SYNE1: variants seen among roughly 807,000 people sequenced by gnomAD.
SYNE1 encodes the protein nesprin-1.
In SYNE1, 616 loss-of-function variants were observed where a neutral mutation model predicts 1,111.0. That is an observed-to-expected ratio of 0.55 (90% CI 0.52 to 0.59). SYNE1 has a LOEUF of 0.59. Among genes scored for constraint, SYNE1 ranks in the 20% least tolerant of loss-of-function variants. SYNE1 has a pLI of 0.00. For missense variants in SYNE1, 10,006 were observed against 10,417.0 expected (o/e 0.96, Z 1.72); for synonymous variants, 3,855 against 3,825.8 (o/e 1.01, Z -0.28).
At position 152,455,488 on chromosome 6, in the gene SYNE1, G is replaced by A. The variant is rs758573837; in HGVS notation, c.2830C>T (p.Arg944Trp). The part of the protein sequence containing the change: ...ESRAELEKVL[R>W]IAQEGLEEKG... ...TCCTCCAGGCCCTCCTGAGCAATCC[G>A]CAGTACCTTCTCCAACTCTGCTCGA... is the stretch of plus-strand genomic sequence containing the variant. Residue 944 changes from arginine (R) to tryptophan (W), a missense_variant, in exon 24 of 146, where the codon CGG becomes TGG. Around this residue, in one of 7 missense-constraint regions of SYNE1, gnomAD observed 1,971 missense variants for 2,084.1 expected, o/e 0.95. Transcript: ENST00000367255. The A allele has an allele frequency of 1.1e-5, 17 of 1,613,950 alleles. No homozygotes were observed. The highest frequency in any genetic ancestry group is 2.2e-5 in the East Asian group (1 of 44,876).
At chr6:152,555,062 A>T (rs979909135) in intron 3 of SYNE1, among the ~76,000 whole-genome samples, 6 of 152,352 alleles carry the variant, frequency 3.9e-5, no homozygotes, top group Admixed American at 2.0e-4. Context: ...CATAAATGGG[A>T]AGTGAGATTT....
At chr6:152,311,805 T>A (rs2095557434) in intron 87 of SYNE1, among the ~76,000 whole-genome samples, 1 of 151,076 alleles carries the variant, frequency 6.6e-6, no homozygotes. Flanking sequence ...AGACGGAGTC[T>A]CGCTCTTTCG....
intron 38 of SYNE1, among the ~76,000 whole-genome samples, chr6:152,427,332 A>G (rs1440266895): frequency 6.6e-6 from 1 of 152,210 alleles, no homozygotes; most frequent in Non-Finnish European, 1.5e-5. Context: ...GAGAGATTAT[A>G]CCTATTTCCA....
At chr6:152,170,508 T>C (rs746257588) in intron 130 of SYNE1, among the ~76,000 whole-genome samples, 1 of 152,220 alleles carries the variant, frequency 6.6e-6, no homozygotes, top group Non-Finnish European at 1.5e-5. Context: ...GCCTCTTGAT[T>C]AGTTCTGTGC....
intron 122 of SYNE1, 43 bp downstream of exon 122, chr6:152,214,863 C>G (rs762533441): frequency 1.9e-6 from 3 of 1,612,378 alleles, no homozygotes; most frequent in Non-Finnish European, 2.5e-6. Flanking sequence ...ACAAACCAGA[C>G]TAAGACAACT....
At chr6:152,427,314 C>T (rs2098374546) in intron 38 of SYNE1, among the ~76,000 whole-genome samples, 1 of 152,142 alleles carries the variant, frequency 6.6e-6, no homozygotes, top group Non-Finnish European at 1.5e-5. Context: ...CATATAATTA[C>T]AAAAGTAGAG....
intron 120 of SYNE1, 132 bp downstream of exon 120, chr6:152,218,871 T>G: frequency 3.1e-6 from 3 of 970,914 alleles, no homozygotes; most frequent in South Asian, 2.8e-5. Flanking sequence ...AACTTCCAAG[T>G]TTGTTTACTT....
chr6:152,354,649 T>A lies in SYNE1; in HGVS notation c.10926+10A>T. The stretch of plus-strand genomic sequence containing the variant: ...CTTTGACAAAGATCAGGAATCTACA[T>A]GAGTTGTACCTTCATCTGATGTAAT... On this transcript the variant is annotated intron_variant, in intron 67 of 145. Coordinates refer to ENST00000367255, the MANE Select transcript of SYNE1 (RefSeq NM_182961.4). 6.2e-7 allele frequency: 1 copy of A among 1,612,684 alleles called. No individual in the cohort carries two copies. Among genetic ancestry groups the A allele is most frequent in the South Asian group, 1.1e-5 (1 of 91,052 alleles).
In SYNE1 at chr6:152,316,886, G is replaced by A. The variant is rs1379717748; in HGVS notation, c.16673C>T (p.Ser5558Phe). The A allele has an allele frequency of 6.2e-7, 1 of 1,614,132 alleles. No homozygotes were observed. Among genetic ancestry groups the A allele is most frequent in the South Asian group, 1.1e-5 (1 of 91,088 alleles). ...ATATTGTTCCCGAAGCTGGCTTGCA[G>A]AATTCCATGCAATAGTTCCATGAGC... ...VLAHGTIAWNSASQLREQYIL... is the reference protein window; with the variant it reads ...VLAHGTIAWNFASQLREQYIL... The change falls in exon 87 of 146, where the codon TCT (serine) becomes TTT (phenylalanine). Residue 5558 changes from serine to phenylalanine, a missense_variant. By Grantham distance (155) the Ser-to-Phe change is radical. Around this residue, in one of 7 missense-constraint regions of SYNE1, gnomAD observed 4,955 missense variants for 5,017.2 expected, o/e 0.99. Transcript: ENST00000367255.
intron 17 of SYNE1, 70 bp from the exon 18 acceptor site, chr6:152,465,530 T>C (rs894732009): frequency 1.4e-6 from 2 of 1,398,506 alleles, no homozygotes; most frequent in Non-Finnish European, 2.0e-6. Flanking sequence ...TTTTCTATGG[T>C]CTTATACATT....
At chr6:152,471,005 T>C (rs1346753672) in intron 16 of SYNE1, among the ~76,000 whole-genome samples, 11 of 152,172 alleles carry the variant, frequency 7.2e-5, no homozygotes, top group Admixed American at 5.2e-4. Flanking sequence ...CTAGTAAACA[T>C]AGAATTATCT....
chr6:152,317,991 T>G (rs1209293413), intron 86 of SYNE1, 90 bp downstream of exon 86: 2 of 1,540,030 alleles, frequency 1.3e-6, no homozygotes, highest in Non-Finnish European at 1.8e-6. Context: ...TTTTATCTTT[T>G]TATTTATGTT....
chr6:152,462,696 A>G (rs1044205778), intron 20 of SYNE1, 42 bp downstream of exon 20: 1 of 1,612,768 alleles, frequency 6.2e-7, no homozygotes, highest in Admixed American at 1.7e-5. Flanking sequence ...CTTTCCTCTC[A>G]CAACAGAGTA....
intron 32 of SYNE1, among the ~76,000 whole-genome samples, chr6:152,436,926 G>A (rs918866010): frequency 2.0e-5 from 3 of 152,054 alleles, no homozygotes; most frequent in Non-Finnish European, 4.4e-5. Flanking sequence ...AGCATTTTGG[G>A]AGGCTGAGGC....
chr6:152,334,419 C>G (rs1181547571), intron 76 of SYNE1, 146 bp from the exon 77 acceptor site: 3 of 932,260 alleles, frequency 3.2e-6, no homozygotes, highest in Non-Finnish European at 1.6e-6. Flanking sequence ...TTATGGGAAA[C>G]AAAGAGAAAA....
intron 81 of SYNE1, 64 bp downstream of exon 81, chr6:152,325,020 G>C (rs2096018324): frequency 8.9e-6 from 14 of 1,577,352 alleles, no homozygotes; most frequent in Non-Finnish European, 1.2e-5. Flanking sequence ...GCAAAATACT[G>C]TGTTTCAAAA....
Position 152,407,164 on chromosome 6 carries a change from C to T in SYNE1, c.6573G>A (p.Arg2191=). 6.2e-7 allele frequency: 1 copy of T among 1,614,020 alleles called. No homozygotes were observed. ...VSEKLEENMD[R]LRVSLSIWDD... is the part of the protein sequence containing the mutation. Reference sequence around the variant, plus strand: ...CCCAAATGGACAGGCTTACTCTCAGCCTATCCATGTTTTCTTCAAGTTTCT... The same window carrying T: ...CCCAAATGGACAGGCTTACTCTCAGTCTATCCATGTTTTCTTCAAGTTTCT... Residue 2191 remains arginine, a synonymous_variant, in exon 45 of 146, where the codon AGG becomes AGA. Coordinates refer to ENST00000367255, the MANE Select transcript of SYNE1 (RefSeq NM_182961.4).
chr6:152,455,427 G>A lies in SYNE1; in HGVS notation c.2891C>T (p.Thr964Ile). 1 of 1,613,782 alleles carries A rather than the reference G, an allele frequency of 6.2e-7. No individual in the cohort carries two copies. Among genetic ancestry groups the A allele is most frequent in the Non-Finnish European group, 8.5e-7 (1 of 1,179,824 alleles). The change falls in exon 24 of 146, where the codon ACT becomes ATT. Residue 964 changes from threonine (T) to isoleucine (I), a missense_variant and splice_region_variant. Thr to Ile is a moderately conservative substitution (Grantham distance 89). Transcript: ENST00000367255. The stretch of plus-strand genomic sequence containing the variant: ...GTGTCCCCTAAAGGGTGGACTCACA[G>A]TGTGTCTCCGCAGGAGCTCCTCTGG... ...GDPEELLRRHTEFFSQLDQRV... is the reference protein window; with the variant it reads ...GDPEELLRRHIEFFSQLDQRV...
intron 63 of SYNE1, 131 bp downstream of exon 63, chr6:152,364,716 G>GGAAA (rs2097026448): frequency 9.8e-7 from 1 of 1,017,358 alleles, no homozygotes; most frequent in Non-Finnish European, 1.5e-6. Context: ...AAGGAAGGAA[G>GGAAA]GAAGGAAGGA....
Sources: gnomAD v4.1 joint callset for allele counts (sites outside exome capture counted in the v4.1 genomes callset) on GRCh38, gnomAD v4.1.1 for gene constraint, gnomAD v4.1.1 regional missense constraint, MANE v1.5 for transcripts, NCBI Gene and HGNC (gene_info 2026-07-23, HGNC 2026-07-21) for gene names.